The following MGMT variants were observed in gnomAD, a reference collection of about 807,000 sequenced individuals.
The protein encoded by MGMT is methylated-DNA--protein-cysteine methyltransferase.
Under a neutral mutation model 15.9 loss-of-function variants are expected in MGMT, and 14 were observed. That is an observed-to-expected ratio of 0.88 (90% CI 0.58 to 1.37). The LOEUF is 1.37. MGMT is among the 40% of genes most tolerant of loss of function. MGMT has a pLI of 0.00. For missense variants in MGMT, 282 were observed against 268.1 expected (o/e 1.05, Z -0.36); for synonymous variants, 130 against 118.2 (o/e 1.10, Z -0.65).
chr10:129,658,285 G>A (rs1847555121), intron 2 of MGMT, among the ~76,000 whole-genome samples: 1 of 152,090 alleles, frequency 6.6e-6, no homozygotes, highest in South Asian at 2.1e-4. Context: ...CTCTATTATT[G>A]ACTAATGACG....
At chr10:129,697,092 C>T (rs961749176) in intron 2 of MGMT, among the ~76,000 whole-genome samples, 45 of 152,258 alleles carry the variant, frequency 3.0e-4, no homozygotes, top group African/African-American at 1.0e-3. Flanking sequence ...ATGATGTGGA[C>T]ACCTAGTATC....
intron 2 of MGMT, among the ~76,000 whole-genome samples, chr10:129,691,669 C>T (rs761166119): frequency 1.3e-5 from 2 of 152,066 alleles, no homozygotes; most frequent in African/African-American, 4.8e-5. Flanking sequence ...GAAGGAGGGG[C>T]CCGGGAGTGT....
At chr10:129,766,664 T>G in intron 4 of MGMT, 124 bp from the exon 5 acceptor site, 1 of 840,494 alleles carries the variant, frequency 1.2e-6, no homozygotes, top group Non-Finnish European at 1.8e-6. Context: ...GCCAACAGCC[T>G]GCCCCTGGCA....
Position 129,744,426 on chromosome 10 carries a change from G to A in MGMT, c.275-14776G>A, listed in dbSNP as rs1848670428. Among the ~76,000 whole-genome samples the A allele has an allele frequency of 2.6e-5, 4 of 152,238 alleles. No homozygotes were observed. In the South Asian group the frequency reaches 8.3e-4, roughly 32 times the overall value. On this transcript the variant is annotated intron_variant, in intron 3 of 4. Transcript: ENST00000651593. ...GTGTCCCTGCCTTCGGAGTGAGCAA[G>A]CCACAAGCCAGATGTCAGGGGCTGT...
intron 3 of MGMT, among the ~76,000 whole-genome samples, chr10:129,724,117 G>A (rs1422901526): frequency 6.6e-6 from 1 of 152,176 alleles, no homozygotes; most frequent in Non-Finnish European, 1.5e-5. Flanking sequence ...GCTGCAATTG[G>A]GAATTGCTTG....
At chr10:129,609,851 G>A (rs1158396234) in intron 2 of MGMT, among the ~76,000 whole-genome samples, 3 of 152,184 alleles carry the variant, frequency 2.0e-5, no homozygotes, top group South Asian at 4.1e-4. Context: ...GGAGGCAGGC[G>A]GCAATGGTGG....
intron 2 of MGMT, among the ~76,000 whole-genome samples, chr10:129,549,439 G>A (rs1289818468): frequency 6.6e-6 from 1 of 152,152 alleles, no homozygotes; most frequent in Non-Finnish European, 1.5e-5. Context: ...TAATATCTGA[G>A]GGCGAGAAGA....
intron 2 of MGMT, among the ~76,000 whole-genome samples, chr10:129,704,413 G>T (rs534614017): frequency 2.9e-4 from 44 of 152,210 alleles, no homozygotes; most frequent in Middle Eastern, 3.4e-3. Context: ...GGGCTGTGGA[G>T]ACCTCAGCCT....
intron 2 of MGMT, among the ~76,000 whole-genome samples, chr10:129,625,439 GTC>G (rs1208339235): frequency 6.6e-6 from 1 of 152,170 alleles, no homozygotes; most frequent in East Asian, 1.9e-4. Context: ...ACAGACCAAT[GTC>G]TCTCATGAAC....
intron 4 of MGMT, among the ~76,000 whole-genome samples, chr10:129,760,387 G>A (rs7071825): frequency 0.65 from 98,723 of 152,170 alleles, 32,902 homozygotes; most frequent in African/African-American, 0.8. Context: ...CGAAAGCTCT[G>A]TGAAAGTTTC....
chr10:129,528,840 G>C (rs1183905286), intron 1 of MGMT, among the ~76,000 whole-genome samples: 2 of 152,192 alleles, frequency 1.3e-5, no homozygotes, highest in Non-Finnish European at 2.9e-5. Flanking sequence ...TTTAGAAAAA[G>C]TATATGAAAA....
intron 2 of MGMT, among the ~76,000 whole-genome samples, chr10:129,688,103 G>C (rs893680410): frequency 6.6e-6 from 1 of 152,178 alleles, no homozygotes; most frequent in East Asian, 1.9e-4. Context: ...ATCATGGATG[G>C]ACATTTGGCT....
At chr10:129,575,943 G>A (rs996089073) in intron 2 of MGMT, among the ~76,000 whole-genome samples, 2 of 152,100 alleles carry the variant, frequency 1.3e-5, no homozygotes, top group African/African-American at 4.8e-5. Flanking sequence ...AGAAGAAATG[G>A]ATAAATTCCT....
At chr10:129,721,954 T>G in intron 3 of MGMT, among the ~76,000 whole-genome samples, 1 of 152,174 alleles carries the variant, frequency 6.6e-6, no homozygotes, top group Non-Finnish European at 1.5e-5. Flanking sequence ...TGTTTTAAGA[T>G]TCAAATAAAA....
chr10:129,727,797 T>G (rs1564776029), intron 3 of MGMT, among the ~76,000 whole-genome samples: 1 of 152,220 alleles, frequency 6.6e-6, no homozygotes, highest in African/African-American at 2.4e-5. Context: ...AAGCCAGCAC[T>G]GCAGGCAGCA....
intron 3 of MGMT, among the ~76,000 whole-genome samples, chr10:129,738,476 TC>T (rs1216165064): frequency 6.6e-6 from 1 of 152,166 alleles, no homozygotes; most frequent in Non-Finnish European, 1.5e-5. Context: ...GTGAGATGAA[TC>T]CGGTACCTCA....
In MGMT at chr10:129,590,916, A is replaced by G. The variant is rs1266228766; in HGVS notation, c.125+54539A>G. 2.0e-5 allele frequency among the ~76,000 whole-genome samples: 3 copies of G among 152,212 alleles called. No individual in the cohort carries two copies. In the East Asian group the frequency reaches 5.8e-4, roughly 29 times the overall value. On this transcript the variant is annotated intron_variant, in intron 2 of 4. Transcript: ENST00000651593. ...CGGCTGACGGAAAGGTGGTCAAATTACCTTCGCAAATCTGAAGGGTGCTTG... is the reference window on the plus strand; with the variant it reads ...CGGCTGACGGAAAGGTGGTCAAATTGCCTTCGCAAATCTGAAGGGTGCTTG...
chr10:129,646,733 TATATATATA>T (rs1351471408), intron 2 of MGMT, among the ~76,000 whole-genome samples: 3 of 103,192 alleles, frequency 2.9e-5, no homozygotes, highest in Admixed American at 1.0e-4. Flanking sequence ...TATATATATA[TATATATATA>T]TATATATATA....
chr10:129,765,160 C>G (rs1848918982), intron 4 of MGMT, among the ~76,000 whole-genome samples: 1 of 152,154 alleles, frequency 6.6e-6, no homozygotes, highest in Non-Finnish European at 1.5e-5. Context: ...CCGAGATGTC[C>G]TGGCCCCTTA....
Sources: gnomAD v4.1 joint callset for allele counts (sites outside exome capture counted in the v4.1 genomes callset) on GRCh38, gnomAD v4.1.1 for gene constraint, MANE v1.5 for transcripts, NCBI Gene and HGNC (gene_info 2026-07-23, HGNC 2026-07-21) for gene names.